The following ZFHX3 variants were observed in gnomAD, a reference collection of about 807,000 sequenced individuals.
ZFHX3 encodes the protein zinc finger homeobox 3, also known as zinc finger homeobox protein 3.
A neutral mutation model predicts 279.1 loss-of-function variants in ZFHX3; 42 were observed. That is an observed-to-expected ratio of 0.15 (90% CI 0.12 to 0.19). The LOEUF (loss-of-function observed/expected upper bound fraction) is 0.19. ZFHX3 is among the 10% of genes least tolerant of loss of function. The pLI, the probability that ZFHX3 is intolerant of heterozygous loss-of-function variation, is 1.00. For missense variants in ZFHX3, 4,981 were observed against 4,754.0 expected, an observed-to-expected ratio of 1.05 and a Z score of -1.40; for synonymous variants, 2,293 against 1,957.8, an observed-to-expected ratio of 1.17 and a Z score of -4.52.
intron 1 of ZFHX3, among the ~76,000 whole-genome samples, chr16:73,878,234 A>G (rs1006992273): frequency 6.6e-6 from 1 of 152,188 alleles, no homozygotes; most frequent in Non-Finnish European, 1.5e-5. Context: ...AGGAAACAGA[A>G]TATCATGAAA....
At chr16:73,414,406 C>T (rs1226914229) in intron 3 of ZFHX3, among the ~76,000 whole-genome samples, 1 of 152,252 alleles carries the variant, frequency 6.6e-6, no homozygotes, top group East Asian at 1.9e-4. Flanking sequence ...AAGAACTAAA[C>T]TTACAGTTTA....
chr16:73,216,589 T>C (rs540574559), intron 5 of ZFHX3, among the ~76,000 whole-genome samples: 1 of 152,300 alleles, frequency 6.6e-6, no homozygotes, highest in South Asian at 2.1e-4. Context: ...ACAGCCTGCC[T>C]GATTTTGATA....
At chr16:73,550,328 C>T (rs193122516) in intron 2 of ZFHX3, among the ~76,000 whole-genome samples, 1 of 152,312 alleles carries the variant, frequency 6.6e-6, no homozygotes, top group Admixed American at 6.5e-5. Flanking sequence ...GCCCCCTCTG[C>T]TGACCATTAG....
chr16:72,811,652 G>A lies in ZFHX3; in HGVS notation c.3789C>T (p.Asn1263=), dbSNP rs1038627650. ...TGAGGTGCAGCTGGAGGTGGATCTT[G>A]TTGTTGAGCATGTCCTGGCACAGGG... The part of the protein sequence containing the change: ...RCPLCQDMLN[N]KIHLQLHLTH... The change falls in exon 7 of 10, where the codon AAC becomes AAT. Residue 1263 remains asparagine, a synonymous_variant. Transcript: ENST00000268489. The A allele has an allele frequency of 4.3e-6, 7 of 1,613,852 alleles. No homozygotes were observed. The South Asian group carries it at 5.5e-5, about 13-fold the overall frequency.
chr16:73,513,671 A>G (rs774931439), intron 2 of ZFHX3, among the ~76,000 whole-genome samples: 8 of 152,206 alleles, frequency 5.3e-5, no homozygotes, highest in Non-Finnish European at 1.2e-4. Flanking sequence ...ATAAAGATTT[A>G]CAAAGACTCC....
chr16:73,445,944 G>C (rs534727271), intron 3 of ZFHX3, among the ~76,000 whole-genome samples: 28 of 152,182 alleles, frequency 1.8e-4, no homozygotes, highest in Admixed American at 6.5e-4. Flanking sequence ...AAACTTGCTG[G>C]ATAATGTTCT....
At chr16:73,741,126 G>C (rs1386588063) in intron 1 of ZFHX3, among the ~76,000 whole-genome samples, 7 of 150,114 alleles carry the variant, frequency 4.7e-5, no homozygotes, top group Non-Finnish European at 7.4e-5. Context: ...CTGCCTCCCA[G>C]GTTCAATCAA....
In ZFHX3 at chr16:73,216,916, T is replaced by C. The variant is rs562176376; in HGVS notation, c.-1104+40131A>G. Reference sequence around the variant, plus strand: ...GGTTTCAGTAGGAGACAGATAGTGGTGCAAATATCCCTGAAGGTCGTAAAG... The same window carrying C: ...GGTTTCAGTAGGAGACAGATAGTGGCGCAAATATCCCTGAAGGTCGTAAAG... On this transcript the variant is annotated intron_variant, in intron 5 of 17. Coordinates refer to the ZFHX3 transcript ENST00000641206. Among the ~76,000 whole-genome samples the C allele has an allele frequency of 1.6e-4, 24 of 152,332 alleles. 1 individual carries two copies. In the South Asian group the frequency reaches 4.6e-3, roughly 29 times the overall value.
chr16:73,767,654 G>A (rs1029387825), intron 1 of ZFHX3, among the ~76,000 whole-genome samples: 1 of 152,102 alleles, frequency 6.6e-6, no homozygotes, highest in African/African-American at 2.4e-5. Context: ...CCAAGACCAC[G>A]ACCAGATTCT....
intron 1 of ZFHX3, among the ~76,000 whole-genome samples, chr16:72,966,386 T>C (rs1423155728): frequency 2.0e-5 from 3 of 152,226 alleles, no homozygotes; most frequent in African/African-American, 7.2e-5. Context: ...TGGAAGAGAC[T>C]TGGAGTCATA....
intron 1 of ZFHX3, among the ~76,000 whole-genome samples, chr16:73,853,296 A>G (rs537488081): frequency 6.6e-6 from 1 of 152,228 alleles, no homozygotes; most frequent in Non-Finnish European, 1.5e-5. Flanking sequence ...AAATAGAGCT[A>G]CCATTTGACT....
chr16:73,091,235 GAA>G (rs71692673), intron 8 of ZFHX3, among the ~76,000 whole-genome samples: 1 of 142,536 alleles, frequency 7.0e-6, no homozygotes, highest in Non-Finnish European at 1.5e-5. Flanking sequence ...AGAAAGCGGG[GAA>G]AAAAAAAAAA....
chr16:72,825,732 C>G (rs2036913643), intron 5 of ZFHX3, among the ~76,000 whole-genome samples: 1 of 152,176 alleles, frequency 6.6e-6, no homozygotes, highest in Non-Finnish European at 1.5e-5. Flanking sequence ...TGCATTCTTT[C>G]AGGGTTAGTT....
intron 2 of ZFHX3, among the ~76,000 whole-genome samples, chr16:73,563,025 T>C (rs1342858343): frequency 6.6e-6 from 1 of 152,094 alleles, no homozygotes; most frequent in Non-Finnish European, 1.5e-5. Context: ...TGATTCAAAA[T>C]ATTGCTCTGG....
intron 4 of ZFHX3, among the ~76,000 whole-genome samples, chr16:72,865,686 G>C (rs1395893310): frequency 1.3e-5 from 2 of 152,198 alleles, no homozygotes; most frequent in Non-Finnish European, 2.9e-5. Flanking sequence ...CTGTGGGTTG[G>C]AGGTGGTCAG....
chr16:73,138,288 A>G (rs992399625), intron 6 of ZFHX3, among the ~76,000 whole-genome samples: 11 of 152,164 alleles, frequency 7.2e-5, no homozygotes, highest in African/African-American at 2.7e-4. Flanking sequence ...GGCTGGCCCC[A>G]GTGCCTACTT....
chr16:72,953,432 T>G (rs1356419683), intron 2 of ZFHX3, among the ~76,000 whole-genome samples: 1 of 152,222 alleles, frequency 6.6e-6, no homozygotes, highest in East Asian at 1.9e-4. Context: ...TATATTTGTT[T>G]CTGATGCCAA....
chr16:73,648,300 A>G (rs2052639191), intron 2 of ZFHX3, among the ~76,000 whole-genome samples: 1 of 152,248 alleles, frequency 6.6e-6, no homozygotes, highest in African/African-American at 2.4e-5. Flanking sequence ...ATGATTTGTC[A>G]AAGTCCACAT....
chr16:73,072,886 T>G (rs1189505446), intron 8 of ZFHX3, among the ~76,000 whole-genome samples: 1 of 151,496 alleles, frequency 6.6e-6, no homozygotes, highest in East Asian at 2.0e-4. Flanking sequence ...ATTTCTTTCT[T>G]TCTTTCTTTT....
Sources: gnomAD v4.1 joint callset for allele counts (sites outside exome capture counted in the v4.1 genomes callset) on GRCh38, gnomAD v4.1.1 for gene constraint, MANE v1.5 for transcripts, NCBI Gene and HGNC (gene_info 2026-07-23, HGNC 2026-07-21) for gene names.